SERPINI1: variants seen among roughly 807,000 people sequenced by gnomAD.
SERPINI1 encodes serpin family I member 1, also known as neuroserpin.
A neutral mutation model predicts 41.1 loss-of-function variants in SERPINI1; 19 were observed. The observed-to-expected ratio is 0.46, with a 90% CI of 0.32 to 0.68. The LOEUF (loss-of-function observed/expected upper bound fraction) is 0.68. Among genes scored for constraint, SERPINI1 ranks in the 30% least tolerant of loss-of-function variants. SERPINI1 has a pLI of 0.03. For missense variants in SERPINI1, 460 were observed against 479.2 expected (o/e 0.96, Z 0.37); for synonymous variants, 138 against 156.6 (o/e 0.88, Z 0.89).
At chr3:167,793,596 A>ATATATATATTTTTT in intron 4 of SERPINI1, among the ~76,000 whole-genome samples, 3 of 140,618 alleles carry the variant, frequency 2.1e-5, no homozygotes, top group African/African-American at 8.2e-5. Context: ...ATATATATAT[A>ATATATATATTTTTT]TTTTTAATTA....
intron 1 of SERPINI1, among the ~76,000 whole-genome samples, chr3:167,773,613 T>TGCAGTGTGGGCAAACAACTGCAAAAAA (rs1341441288): frequency 1.3e-5 from 2 of 152,194 alleles, no homozygotes; most frequent in Non-Finnish European, 2.9e-5. Context: ...CAATAAAAAT[T>TGCAGTGTGGGCAAACAACTGCAAAAAA]ATAAGTTGTC....
intron 6 of SERPINI1, among the ~76,000 whole-genome samples, chr3:167,808,789 C>T (rs1380802391): frequency 6.6e-6 from 1 of 152,150 alleles, no homozygotes; most frequent in Non-Finnish European, 1.5e-5. Flanking sequence ...CACAATGCAT[C>T]TGCACATATA....
At chr3:167,816,125 C>A (rs1376563531) in intron 6 of SERPINI1, among the ~76,000 whole-genome samples, 1 of 152,138 alleles carries the variant, frequency 6.6e-6, no homozygotes, top group Non-Finnish European at 1.5e-5. Context: ...TCACTGCAAC[C>A]TCAACCTTCT....
At position 167,789,169 on chromosome 3, in the gene SERPINI1, G is replaced by T. The variant is rs540962876; in HGVS notation, c.41G>T (p.Ser14Ile). The change falls in exon 2 of 9, where the codon AGT becomes ATT. Residue 14 changes from serine (S) to isoleucine (I), a missense_variant. By Grantham distance (142) the Ser-to-Ile change is moderately radical (BLOSUM62 -2). Transcript: ENST00000446050. ...CTCTTCTCTTTGCTGGTTCTGCAAA[G>T]TATGGCTACAGGGGCCACTTTCCCT... Reference protein sequence around the residue: ...LGLFSLLVLQSMATGATFPEE... With the variant: ...LGLFSLLVLQIMATGATFPEE... 1.2e-6 allele frequency: 2 copies of T among 1,614,112 alleles called. No individual in the cohort carries two copies. Among genetic ancestry groups the T allele is most frequent in the African/African-American group, 1.3e-5 (1 of 75,040 alleles).
intron 1 of SERPINI1, among the ~76,000 whole-genome samples, chr3:167,762,362 C>T (rs774894978): frequency 1.3e-5 from 2 of 152,146 alleles, no homozygotes; most frequent in Non-Finnish European, 2.9e-5. Context: ...GCTGTTTTTT[C>T]TCCTGTCTTA....
At chr3:167,819,460 T>G (rs1034690078) in intron 6 of SERPINI1, among the ~76,000 whole-genome samples, 18 of 152,378 alleles carry the variant, frequency 1.2e-4, no homozygotes, top group Admixed American at 5.2e-4. Context: ...ACTTGATTGC[T>G]TTTTTATTTT....
At chr3:167,746,926 T>C (rs2108532287) in intron 1 of SERPINI1, among the ~76,000 whole-genome samples, 1 of 152,268 alleles carries the variant, frequency 6.6e-6, no homozygotes, top group South Asian at 2.1e-4. Context: ...AGTTCCACTG[T>C]AGGTATATGC....
chr3:167,788,308 C>T (rs1291863021), intron 1 of SERPINI1, among the ~76,000 whole-genome samples: 1 of 152,082 alleles, frequency 6.6e-6, no homozygotes, highest in Non-Finnish European at 1.5e-5. Flanking sequence ...CCTTGATGCC[C>T]TTCAATTTGG....
At chr3:167,801,936 T>C (rs1727911771) in intron 5 of SERPINI1, among the ~76,000 whole-genome samples, 1 of 152,044 alleles carries the variant, frequency 6.6e-6, no homozygotes, top group Non-Finnish European at 1.5e-5. Flanking sequence ...ATATTGCAAA[T>C]ATTGGAACAG....
intron 1 of SERPINI1, among the ~76,000 whole-genome samples, chr3:167,786,447 G>A (rs1013366187): frequency 1.0e-4 from 15 of 148,470 alleles, no homozygotes; most frequent in Admixed American, 3.4e-4. Context: ...GGCGGAGGTT[G>A]CAGTGAGCCG....
chr3:167,797,858 A>G (rs1324088188), intron 5 of SERPINI1, among the ~76,000 whole-genome samples: 4 of 152,116 alleles, frequency 2.6e-5, no homozygotes, highest in Non-Finnish European at 5.9e-5. Context: ...TACTATGTAA[A>G]TCAGGCCTAA....
intron 2 of SERPINI1, among the ~76,000 whole-genome samples, 155 bp from the exon 3 acceptor site, chr3:167,790,217 G>A (rs1214061674): frequency 2.0e-5 from 3 of 152,166 alleles, no homozygotes; most frequent in Admixed American, 2.0e-4. Flanking sequence ...AATAGTACAA[G>A]TATTGGACCA....
chr3:167,750,212 A>G (rs1725999785), intron 1 of SERPINI1, among the ~76,000 whole-genome samples: 1 of 152,124 alleles, frequency 6.6e-6, no homozygotes, highest in African/African-American at 2.4e-5. Flanking sequence ...TTTTTTCTGG[A>G]TGTCACTACA....
intron 1 of SERPINI1, among the ~76,000 whole-genome samples, chr3:167,762,205 G>A (rs575856952): frequency 2.0e-5 from 3 of 151,948 alleles, no homozygotes; most frequent in East Asian, 1.9e-4. Context: ...ATACGTTGTC[G>A]GTGCTTCTCT....
intron 6 of SERPINI1, among the ~76,000 whole-genome samples, chr3:167,817,322 GT>G (rs1422337537): frequency 6.6e-6 from 1 of 151,910 alleles, no homozygotes; most frequent in African/African-American, 2.4e-5. Context: ...ATATTGTTGG[GT>G]TTTTTTCATT....
At chr3:167,763,051 T>C (rs1401836824) in intron 1 of SERPINI1, among the ~76,000 whole-genome samples, 1 of 152,124 alleles carries the variant, frequency 6.6e-6, no homozygotes, top group Non-Finnish European at 1.5e-5. Flanking sequence ...CAGGTCTCAG[T>C]TGGCTCATGT....
At chr3:167,751,379 T>A (rs1726045566) in intron 1 of SERPINI1, among the ~76,000 whole-genome samples, 1 of 152,202 alleles carries the variant, frequency 6.6e-6, no homozygotes, top group Non-Finnish European at 1.5e-5. Flanking sequence ...TATGTCTACT[T>A]GATAAAATGA....
At chr3:167,801,971 G>A (rs531264226) in intron 5 of SERPINI1, among the ~76,000 whole-genome samples, 1,958 of 151,910 alleles carry the variant, frequency 0.013, 35 homozygotes, top group African/African-American at 0.045. Flanking sequence ...AAATAATGCC[G>A]CATATCTACA....
intron 1 of SERPINI1, among the ~76,000 whole-genome samples, chr3:167,755,076 T>A (rs543316180): frequency 1.2e-4 from 19 of 152,352 alleles, no homozygotes; most frequent in African/African-American, 4.6e-4. Context: ...CCTTCTTGAC[T>A]TTTATTCCAG....
Sources: gnomAD v4.1 joint callset for allele counts (sites outside exome capture counted in the v4.1 genomes callset) on GRCh38, gnomAD v4.1.1 for gene constraint, MANE v1.5 for transcripts, NCBI Gene and HGNC (gene_info 2026-07-23, HGNC 2026-07-21) for gene names.